MYO1B: variants seen among roughly 807,000 people sequenced by gnomAD.
MYO1B encodes unconventional myosin-Ib.
Under a neutral mutation model 159.7 loss-of-function variants are expected in MYO1B, and 72 were observed. That is an observed-to-expected ratio of 0.45 (90% CI 0.37 to 0.55). The LOEUF (loss-of-function observed/expected upper bound fraction) is 0.55, where lower values mean the gene tolerates loss of function less well. Ranked by LOEUF, MYO1B falls within the 20% of genes least tolerant of loss-of-function variation. The pLI, the probability that MYO1B is intolerant of heterozygous loss-of-function variation, is 0.00. For missense variants in MYO1B, 1,062 were observed against 1,364.8 expected (o/e 0.78, Z 3.50); for synonymous variants, 468 against 473.8 (o/e 0.99, Z 0.16).
intron 3 of MYO1B, among the ~76,000 whole-genome samples, chr2:191,297,744 G>C (rs16833580): frequency 0.035 from 5,322 of 152,222 alleles, 303 homozygotes; most frequent in African/African-American, 0.12. Context: ...GACATTTTCA[G>C]TCTTTTTACC....
intron 7 of MYO1B, among the ~76,000 whole-genome samples, chr2:191,356,296 G>T (rs1341838620): frequency 2.7e-5 from 4 of 148,118 alleles, no homozygotes; most frequent in South Asian, 2.2e-4. Flanking sequence ...AAAACTAAGA[G>T]AATACATTGC....
chr2:191,398,463 T>C (rs1696342192), intron 21 of MYO1B, among the ~76,000 whole-genome samples: 1 of 138,386 alleles, frequency 7.2e-6, no homozygotes. Context: ...CGCTCCTCAC[T>C]TCCCAGACGG....
At chr2:191,353,864 A>G (rs1322412278) in intron 7 of MYO1B, among the ~76,000 whole-genome samples, 1 of 152,170 alleles carries the variant, frequency 6.6e-6, no homozygotes, top group Non-Finnish European at 1.5e-5. Context: ...TTTTTTCACT[A>G]TAGTTATTTG....
In MYO1B at chr2:191,385,742, T is replaced by C. The variant is rs531381417; in HGVS notation, c.1354-142T>C. 4 of 854,222 alleles carry C rather than the reference T, an allele frequency of 4.7e-6. No homozygotes were observed. The African/African-American group carries it at 6.8e-5, about 14-fold the overall frequency. 52.9% of individuals were successfully genotyped at this position (854,222 alleles called of 1,614,324 possible). A position where few individuals can be genotyped will look rare whatever the true frequency, so the allele number is the denominator to read the frequency against. On this transcript the variant is annotated intron_variant, in intron 15 of 30. Coordinates refer to ENST00000392318, the MANE Select transcript of MYO1B (RefSeq NM_001130158.3). ...AGCTGATTCCTGTGGCTTTTGTTAT[T>C]GTTTTGAGTCTCTGCTTTTTGTTAT... is the stretch of plus-strand genomic sequence containing the variant.
chr2:191,370,555 T>C (rs1450134232), intron 13 of MYO1B, among the ~76,000 whole-genome samples: 1 of 152,106 alleles, frequency 6.6e-6, no homozygotes, highest in Non-Finnish European at 1.5e-5. Context: ...GCCAGCATTT[T>C]GGAGACAGTA....
intron 11 of MYO1B, among the ~76,000 whole-genome samples, chr2:191,364,999 T>C (rs927155638): frequency 6.6e-6 from 1 of 151,562 alleles, no homozygotes; most frequent in Non-Finnish European, 1.5e-5. Flanking sequence ...GAACCCCCTC[T>C]ACCCTTGATA....
chr2:191,332,436 C>T (rs146300657), intron 4 of MYO1B, among the ~76,000 whole-genome samples: 2 of 151,780 alleles, frequency 1.3e-5, no homozygotes, highest in South Asian at 4.2e-4. Flanking sequence ...TTTAAACTTA[C>T]ATGCAGAATA....
chr2:191,324,329 C>T (rs1690918699), intron 3 of MYO1B, among the ~76,000 whole-genome samples: 1 of 150,896 alleles, frequency 6.6e-6, no homozygotes, highest in Non-Finnish European at 1.5e-5. Context: ...TTTTTTGTTT[C>T]CCTATTCTTG....
chr2:191,331,677 G>A (rs766845083), intron 4 of MYO1B, among the ~76,000 whole-genome samples: 9 of 152,170 alleles, frequency 5.9e-5, no homozygotes, highest in Non-Finnish European at 1.3e-4. Context: ...GACTGTCCTT[G>A]CCCTTATCAC....
chr2:191,280,882 T>C (rs1205935062), intron 2 of MYO1B, among the ~76,000 whole-genome samples: 1 of 152,192 alleles, frequency 6.6e-6, no homozygotes, highest in Non-Finnish European at 1.5e-5. Context: ...ATGGGAAGAA[T>C]TGGTCACTTG....
rs13027699 is a variant in MYO1B at position 191,286,864 on chromosome 2, G to A, written c.136-9247G>A. 5.2e-3 allele frequency among the ~76,000 whole-genome samples: 785 copies of A among 152,216 alleles called. 2 individuals carry two copies. Among genetic ancestry groups the A allele is most frequent in the South Asian group, 0.015 (74 of 4,824 alleles). On this transcript the variant is annotated intron_variant, in intron 2 of 30. Transcript: ENST00000392318. Reference sequence around the variant, plus strand: ...GGGAGGATGGCTTGAACCTGGGATCGGGGCTGCAGTGAGCCAGGATCGCAC... The same window carrying A: ...GGGAGGATGGCTTGAACCTGGGATCAGGGCTGCAGTGAGCCAGGATCGCAC...
chr2:191,289,859 T>A (rs556799714), intron 2 of MYO1B, among the ~76,000 whole-genome samples: 1 of 152,356 alleles, frequency 6.6e-6, no homozygotes, highest in African/African-American at 2.4e-5. Context: ...ATATTAAAAC[T>A]ATTCTGACTT....
intron 11 of MYO1B, among the ~76,000 whole-genome samples, chr2:191,365,519 T>G (rs1251752519): frequency 6.6e-6 from 1 of 152,244 alleles, no homozygotes; most frequent in Non-Finnish European, 1.5e-5. Flanking sequence ...TTGCCTGTCC[T>G]TCCTCCTAAA....
chr2:191,309,596 C>A (rs1689869605), intron 3 of MYO1B, among the ~76,000 whole-genome samples: 1 of 152,192 alleles, frequency 6.6e-6, no homozygotes, highest in South Asian at 2.1e-4. Flanking sequence ...GGCCACCTCC[C>A]TGACTGCATT....
intron 3 of MYO1B, among the ~76,000 whole-genome samples, chr2:191,304,687 G>A (rs1559154470): frequency 6.6e-6 from 1 of 152,170 alleles, no homozygotes; most frequent in South Asian, 2.1e-4. Context: ...ACTCAAGTAG[G>A]AAGGTTGATT....
chr2:191,332,870 T>C (rs1691581531), intron 4 of MYO1B, among the ~76,000 whole-genome samples: 1 of 152,150 alleles, frequency 6.6e-6, no homozygotes, highest in African/African-American at 2.4e-5. Context: ...TGTTGGTAAG[T>C]CTCCTTCAAC....
At position 191,406,582 on chromosome 2, in the gene MYO1B, C is replaced by T. The variant is rs144896041; in HGVS notation, c.2557-1533C>T. On this transcript the variant is annotated intron_variant, in intron 24 of 30. Coordinates refer to ENST00000392318, the MANE Select transcript of MYO1B (RefSeq NM_001130158.3). Reference sequence around the variant, plus strand: ...TCTGTCTTAGGGAATAAGGGAGGCCCGAGGAGAGGGAGAGAGATGGGAGAA... The same window carrying T: ...TCTGTCTTAGGGAATAAGGGAGGCCTGAGGAGAGGGAGAGAGATGGGAGAA... Among the ~76,000 whole-genome samples, 64 of 152,044 alleles carry T rather than the reference C, an allele frequency of 4.2e-4. 1 individual carries two copies. Among genetic ancestry groups the T allele is most frequent in the East Asian group, 2.3e-3 (12 of 5,180 alleles).
chr2:191,347,551 A>G (rs1016193669), intron 6 of MYO1B, among the ~76,000 whole-genome samples: 4 of 152,230 alleles, frequency 2.6e-5, no homozygotes, highest in African/African-American at 7.2e-5. Context: ...GTAAAAACCC[A>G]TATTGCTTAA....
intron 2 of MYO1B, among the ~76,000 whole-genome samples, chr2:191,295,016 T>C (rs1688901670): frequency 6.6e-6 from 1 of 152,178 alleles, no homozygotes; most frequent in Admixed American, 6.5e-5. Context: ...ATGGTACCTT[T>C]TGTGGGATGA....
Sources: allele counts gnomAD v4.1 joint callset (sites outside exome capture counted in the v4.1 genomes callset), GRCh38; gene constraint gnomAD v4.1.1; transcripts MANE v1.5; gene names NCBI Gene and HGNC (gene_info 2026-07-23, HGNC 2026-07-21).